Variants in PDE10A observed in about 807,000 individuals in gnomAD.
PDE10A encodes phosphodiesterase 10A.
Under a neutral mutation model 97.7 loss-of-function variants are expected in PDE10A, and 39 were observed. The observed-to-expected ratio is 0.40, with a 90% CI of 0.31 to 0.52. The LOEUF (loss-of-function observed/expected upper bound fraction) is 0.52, where lower values mean the gene tolerates loss of function less well. PDE10A is among the 20% of genes least tolerant of loss of function. PDE10A has a pLI of 0.56. For missense variants in PDE10A, 731 were observed against 1,047.8 expected, an observed-to-expected ratio of 0.70 and a Z score of 4.17; for synonymous variants, 371 against 376.8, an observed-to-expected ratio of 0.98 and a Z score of 0.18.
chr6:165,901,584 C>T (rs1483974046), intron 1 of PDE10A, among the ~76,000 whole-genome samples: 2 of 152,158 alleles, frequency 1.3e-5, no homozygotes, highest in Non-Finnish European at 2.9e-5. Flanking sequence ...GGGCGGATCA[C>T]CTGAGGTCCG....
intron 1 of PDE10A, among the ~76,000 whole-genome samples, chr6:165,659,587 T>C (rs1389343946): frequency 6.6e-6 from 1 of 152,210 alleles, no homozygotes; most frequent in Non-Finnish European, 1.5e-5. Flanking sequence ...AAAAGTATCT[T>C]CTTGTTTACT....
In PDE10A at chr6:165,610,261, C is replaced by T. The variant is rs1195537976; in HGVS notation, c.865+51686G>A. The stretch of plus-strand genomic sequence containing the variant: ...CTGACAAAAACAAGAAATGGGGAAA[C>T]GGCCAGGCCCGGTGGCTCACGCCTG... On this transcript the variant is annotated intron_variant, in intron 1 of 21. Transcript: ENST00000539869. Among the ~76,000 whole-genome samples, 5 of 152,176 alleles carry T rather than the reference C, an allele frequency of 3.3e-5. No homozygotes were observed. In the East Asian group the frequency reaches 5.8e-4, roughly 18 times the overall value.
intron 2 of PDE10A, among the ~76,000 whole-genome samples, chr6:165,486,217 C>A (rs1031663011): frequency 6.6e-6 from 1 of 152,140 alleles, no homozygotes; most frequent in Non-Finnish European, 1.5e-5. Flanking sequence ...GGGGGATGTG[C>A]ATGAGGATAT....
intron 1 of PDE10A, among the ~76,000 whole-genome samples, chr6:165,890,789 C>T (rs117375322): frequency 0.013 from 1,927 of 152,312 alleles, 28 homozygotes; most frequent in Non-Finnish European, 0.016. Flanking sequence ...TTATACAGAG[C>T]TCCTTCTGGA....
intron 1 of PDE10A, chr6:165,660,379 A>C (rs1562667717): frequency 6.6e-6 from 1 of 152,626 alleles, no homozygotes; most frequent in Admixed American, 6.5e-5. Flanking sequence ...GGGAGGACTT[A>C]GGGGTCAGAG....
rs543914340 is a variant in PDE10A at position 165,721,338 on chromosome 6, C to T, written c.-614-177770G>A. Among the ~76,000 whole-genome samples, 7 of 152,286 alleles carry T rather than the reference C, an allele frequency of 4.6e-5. No homozygotes were observed. The South Asian group carries it at 1.5e-3, about 32-fold the overall frequency. ...CTGGATTTTGGTGTTTGGTAACGAA[C>T]GATTTCATTGTCAATCCAATTCATT... On this transcript the variant is annotated intron_variant, in intron 1 of 19. Transcript: ENST00000366882.
intron 1 of PDE10A, among the ~76,000 whole-genome samples, chr6:165,792,070 C>A (rs1261324178): frequency 6.6e-6 from 1 of 152,204 alleles, no homozygotes; most frequent in Non-Finnish European, 1.5e-5. Context: ...ATGGCTCCTG[C>A]CCGACGTTGT....
rs754079353 is a variant in PDE10A, at chr6:165,767,787, G to C, written c.-615+219742C>G. Reference sequence around the variant, plus strand: ...TGTGTGAATGTATCTTCTGGATATAGCTCGTAGTGGAATTGCTGGGTCATT... The same window carrying C: ...TGTGTGAATGTATCTTCTGGATATACCTCGTAGTGGAATTGCTGGGTCATT... On this transcript the variant is annotated intron_variant, in intron 1 of 19. Transcript: ENST00000366882. 2.6e-5 allele frequency among the ~76,000 whole-genome samples: 4 copies of C among 152,102 alleles called. 1 individual carries two copies. The highest frequency in any genetic ancestry group is 4.8e-5 in the African/African-American group (2 of 41,412).
At chr6:165,822,653 T>C (rs1043366010) in intron 1 of PDE10A, among the ~76,000 whole-genome samples, 1 of 151,626 alleles carries the variant, frequency 6.6e-6, no homozygotes, top group Non-Finnish European at 1.5e-5. Flanking sequence ...AAGACACTTA[T>C]CACGAATGGA....
chr6:165,460,691 G>A lies in PDE10A; in HGVS notation c.1024-10329C>T, dbSNP rs190864514. Among the ~76,000 whole-genome samples the A allele has an allele frequency of 8.3e-4, 127 of 152,226 alleles. 1 individual carries two copies. Among genetic ancestry groups the A allele is most frequent in the African/African-American group, 3.0e-3 (124 of 41,532 alleles). On this transcript the variant is annotated intron_variant, in intron 3 of 21. Coordinates refer to ENST00000539869, the MANE Select transcript of PDE10A (RefSeq NM_001385079.1). ...CTATATTTTGCATAGTGAAGGGCCC[G>A]ATGGACAACCTGGGACTATTCAACC...
intron 1 of PDE10A, among the ~76,000 whole-genome samples, chr6:165,800,980 A>C (rs1318533897): frequency 6.6e-6 from 1 of 152,208 alleles, no homozygotes; most frequent in Non-Finnish European, 1.5e-5. Flanking sequence ...CTGGAGCTAG[A>C]GGTCCCACCC....
intron 1 of PDE10A, among the ~76,000 whole-genome samples, chr6:165,656,879 C>G (rs761023849): frequency 2.0e-5 from 3 of 152,200 alleles, no homozygotes; most frequent in African/African-American, 4.8e-5. Context: ...CTTCTGTGAT[C>G]TGTGTGCTCC....
intron 1 of PDE10A, among the ~76,000 whole-genome samples, chr6:165,645,205 T>C (rs544920410): frequency 1.2e-4 from 19 of 152,270 alleles, no homozygotes; most frequent in Non-Finnish European, 2.2e-4. Context: ...AAAAGAAGCA[T>C]CTGGGAGTGC....
chr6:165,796,662 C>T (rs1562741391), intron 1 of PDE10A, among the ~76,000 whole-genome samples: 1 of 152,194 alleles, frequency 6.6e-6, no homozygotes, highest in Admixed American at 6.5e-5. Flanking sequence ...ATGACATCTA[C>T]AATCAACTCT....
intron 1 of PDE10A, among the ~76,000 whole-genome samples, chr6:165,588,354 G>A (rs1786049047): frequency 7.9e-6 from 1 of 126,132 alleles, no homozygotes; most frequent in African/African-American, 3.1e-5. Flanking sequence ...GCAATGGCAT[G>A]ATCTCGGCTC....
intron 1 of PDE10A, among the ~76,000 whole-genome samples, chr6:165,673,447 T>G (rs770767406): frequency 2.0e-5 from 3 of 152,216 alleles, no homozygotes; most frequent in Non-Finnish European, 4.4e-5. Flanking sequence ...GCTTCTCTAT[T>G]GGATTTGGAA....
Position 165,451,529 on chromosome 6 carries a change from T to C in PDE10A, c.1024-1167A>G, listed in dbSNP as rs114984104. On this transcript the variant is annotated intron_variant, in intron 3 of 21. Coordinates refer to ENST00000539869, the MANE Select transcript of PDE10A (RefSeq NM_001385079.1). The stretch of plus-strand genomic sequence containing the variant: ...CATGTGCTGCAAAGCATGGTTACTA[T>C]CCAGCTCAAAACTGCGTCTCACACC... 1.4e-3 allele frequency among the ~76,000 whole-genome samples: 213 copies of C among 152,300 alleles called. 3 individuals are homozygous for C. The highest frequency in any genetic ancestry group is 5.0e-3 in the African/African-American group (206 of 41,570).
At chr6:165,737,114 A>G (rs551915999) in intron 1 of PDE10A, among the ~76,000 whole-genome samples, 31 of 152,342 alleles carry the variant, frequency 2.0e-4, no homozygotes, top group Middle Eastern at 3.4e-3. Flanking sequence ...AGAAAATCTG[A>G]AAAGATCAGT....
At chr6:165,696,524 G>A (rs1791448338) in intron 1 of PDE10A, among the ~76,000 whole-genome samples, 1 of 152,088 alleles carries the variant, frequency 6.6e-6, no homozygotes, top group Non-Finnish European at 1.5e-5. Flanking sequence ...GGTACAATCT[G>A]TAGTTTTAGG....
Sources: allele counts gnomAD v4.1 joint callset (sites outside exome capture counted in the v4.1 genomes callset), GRCh38; gene constraint gnomAD v4.1.1; transcripts MANE v1.5; gene names NCBI Gene and HGNC (gene_info 2026-07-23, HGNC 2026-07-21).